The following NHSL1 variants were observed in gnomAD, a reference collection of about 807,000 sequenced individuals.
NHSL1 encodes the protein NHS-like protein 1.
In NHSL1, 48 loss-of-function variants were observed where a neutral mutation model predicts 95.0. The observed-to-expected ratio is 0.51, with a 90% CI of 0.40 to 0.64. The LOEUF (loss-of-function observed/expected upper bound fraction) is 0.64, where lower values mean the gene tolerates loss of function less well. Among genes scored for constraint, NHSL1 ranks in the 30% least tolerant of loss-of-function variants. NHSL1 has a pLI of 0.00. For synonymous variants in NHSL1, 783 were observed against 833.9 expected (o/e 0.94, Z 1.05); for missense variants, 1,971 against 2,077.7 (o/e 0.95, Z 1.00).
At chr6:138,548,510 T>C (rs1782889258), upstream of NHSL1, among the ~76,000 whole-genome samples, 3 of 152,180 alleles carry the variant, frequency 2.0e-5, no homozygotes, top group African/African-American at 7.2e-5. Context: ...TCATCAGCTA[T>C]CATTACGGTT....
At chr6:138,456,932 G>A (rs1373666981) in intron 3 of NHSL1, among the ~76,000 whole-genome samples, 1 of 150,768 alleles carries the variant, frequency 6.6e-6, no homozygotes, top group African/African-American at 2.5e-5. Flanking sequence ...CGCCCAGGCT[G>A]GAGTGGAGTG....
intron 3 of NHSL1, among the ~76,000 whole-genome samples, chr6:138,454,932 C>G (rs180934355): frequency 2.0e-5 from 3 of 152,284 alleles, no homozygotes; most frequent in African/African-American, 7.2e-5. Flanking sequence ...CAGAGATCAA[C>G]AAGATAGGGA....
upstream of NHSL1, among the ~76,000 whole-genome samples, chr6:138,575,991 T>G (rs1338357958): frequency 6.6e-6 from 1 of 150,996 alleles, no homozygotes; most frequent in Non-Finnish European, 1.5e-5. Flanking sequence ...ATTTATTTAT[T>G]TATTTATTTA....
intron 3 of NHSL1, among the ~76,000 whole-genome samples, chr6:138,448,578 C>T (rs1368352879): frequency 6.6e-6 from 1 of 152,082 alleles, no homozygotes; most frequent in African/African-American, 2.4e-5. Context: ...CTTTGTTTTG[C>T]CTATATTTGA....
rs558785277 is a variant in NHSL1 at position 138,499,251 on chromosome 6, T to G, written c.40A>C (p.Lys14Gln). Residue 14 changes from lysine to glutamine, a missense_variant, in exon 1 of 8, where the codon AAA (lysine) becomes CAA (glutamine). By Grantham distance (53) the Lys-to-Gln change is moderately conservative. Around this residue, in one of 3 missense-constraint regions of NHSL1, gnomAD observed 1,602 missense variants for 1,654.5 expected, o/e 0.97. Coordinates refer to ENST00000343505, the MANE Select transcript of NHSL1 (RefSeq NM_001144060.2). ...FINAKIKSLI[K>Q]LFKKKTVSNL... ...TACTTACTTTTCTTCTTAAAAAGTT[T>G]AATTAAAGACTTAATCTTTGCATTA... The G allele has an allele frequency of 2.9e-5, 45 of 1,550,048 alleles. No individual in the cohort carries two copies. In the African/African-American group the frequency reaches 5.7e-4, roughly 20 times the overall value.
intron 1 of NHSL1, among the ~76,000 whole-genome samples, chr6:138,598,646 A>AAAAAAC: frequency 6.6e-6 from 1 of 151,552 alleles, no homozygotes. Flanking sequence ...AAAAAAAAAA[A>AAAAAAC]AGCAGCATTT....
intron 1 of NHSL1, among the ~76,000 whole-genome samples, chr6:138,602,678 T>C (rs748093048): frequency 2.6e-5 from 4 of 152,170 alleles, no homozygotes; most frequent in Non-Finnish European, 5.9e-5. Flanking sequence ...TCCATGGAAA[T>C]GCAAATTTTG....
rs190109553 is a variant in NHSL1 at position 138,447,013 on chromosome 6, T to C, written c.520A>G (p.Ile174Val). 9.0e-6 allele frequency: 14 copies of C among 1,551,664 alleles called. No individual in the cohort carries two copies. Among genetic ancestry groups the C allele is most frequent in the East Asian group, 2.4e-5 (1 of 40,930 alleles). The change falls in exon 4 of 8, where the codon ATT becomes GTT. Residue 174 changes from isoleucine (I) to valine (V), a missense_variant. Coordinates refer to ENST00000343505, the MANE Select transcript of NHSL1 (RefSeq NM_001144060.2). ...TAGCAAAGCGTACCAGTTATGTTAATAGGCACCACGTCAGCCTGGACTGTT... is the reference window on the plus strand; with the variant it reads ...TAGCAAAGCGTACCAGTTATGTTAACAGGCACCACGTCAGCCTGGACTGTT... The part of the protein sequence containing the change: ...AQTVQADVVP[I>V]NITGENFDRQ...
At chr6:138,570,599 G>A (rs1783803196) in intron 1 of NHSL1, among the ~76,000 whole-genome samples, 3 of 152,200 alleles carry the variant, frequency 2.0e-5, no homozygotes, top group East Asian at 3.8e-4. Flanking sequence ...TAGTTTAACA[G>A]ACAAGAACAA....
chr6:138,461,349 C>T (rs77740585), intron 3 of NHSL1, among the ~76,000 whole-genome samples: 21,338 of 152,118 alleles, frequency 0.14, 1,518 homozygotes, highest in Middle Eastern at 0.17. Context: ...AGTCAGACTG[C>T]TACAGAGTAG....
chr6:138,490,242 G>A (rs1674067853), intron 2 of NHSL1, among the ~76,000 whole-genome samples: 2 of 152,106 alleles, frequency 1.3e-5, no homozygotes, highest in South Asian at 4.1e-4. Context: ...GCCTGTCTGA[G>A]GTGGTGGGCA....
At position 138,650,158 on chromosome 6, in the gene NHSL1, G is replaced by A. The variant is rs567391400; in HGVS notation, c.96+42318C>T. ...GTTGGAGTCATCTTGCAGGTATCCC[G>A]AGATGGTCAGGCCTCACTCATGGTG... On this transcript the variant is annotated intron_variant, in intron 1 of 3. Coordinates refer to the NHSL1 transcript ENST00000491526. 105 of 554,164 alleles carry A rather than the reference G, an allele frequency of 1.9e-4. 2 individuals carry two copies. Among genetic ancestry groups the A allele is most frequent in the South Asian group, 1.5e-3 (100 of 65,836 alleles). The allele number at this position is 554,164 out of a possible 1,614,324, so 34.3% of individuals were successfully genotyped here. A position where few individuals can be genotyped will look rare whatever the true frequency, so the allele number is the denominator to read the frequency against.
rs1491112101 is a variant in NHSL1, at chr6:138,659,722, T to TG, written c.96+32753_96+32754insC. ...TTTTTCCTACCACGTTTTTTTTTTGTTTTTTTTTTTTTGAGATGGAGTCTC... is the reference window on the plus strand; with the variant it reads ...TTTTTCCTACCACGTTTTTTTTTTGTGTTTTTTTTTTTTGAGATGGAGTCTC... On this transcript the variant is annotated intron_variant, in intron 1 of 3. Transcript: ENST00000491526. 3.1e-3 allele frequency among the ~76,000 whole-genome samples: 165 copies of TG among 53,136 alleles called. 1 individual carries two copies. Among genetic ancestry groups the TG allele is most frequent in the African/African-American group, 0.019 (156 of 8,364 alleles). The allele number at this position is 53,136 out of a possible 152,430, so 34.9% of individuals were successfully genotyped here.
At chr6:138,638,166 T>C (rs908195250) in intron 1 of NHSL1, among the ~76,000 whole-genome samples, 2 of 151,976 alleles carry the variant, frequency 1.3e-5, no homozygotes, top group Non-Finnish European at 2.9e-5. Context: ...ATTAAAACAA[T>C]TGAATTCACG....
chr6:138,596,804 T>A (rs1397265762), intron 1 of NHSL1, among the ~76,000 whole-genome samples: 1 of 152,006 alleles, frequency 6.6e-6, no homozygotes, highest in Non-Finnish European at 1.5e-5. Context: ...CATGAGATAA[T>A]CCTTTAAAAT....
intron 1 of NHSL1, among the ~76,000 whole-genome samples, chr6:138,666,974 C>T (rs570795312): frequency 1.3e-5 from 2 of 152,256 alleles, no homozygotes; most frequent in Admixed American, 6.5e-5. Flanking sequence ...TTTTTAGCAA[C>T]ACCAACGATA....
At chr6:138,581,303 T>C (rs1784051654) in intron 1 of NHSL1, among the ~76,000 whole-genome samples, 1 of 152,298 alleles carries the variant, frequency 6.6e-6, no homozygotes, top group East Asian at 1.9e-4. Flanking sequence ...CAGTCCTTTT[T>C]TGGTGTTGTT....
At chr6:138,522,478 C>T (rs1017494399) in intron 1 of NHSL1, among the ~76,000 whole-genome samples, 4 of 152,164 alleles carry the variant, frequency 2.6e-5, no homozygotes, top group African/African-American at 9.7e-5. Flanking sequence ...CCCATCTCTA[C>T]TAAAAATACA....
At chr6:138,469,280 C>T (rs528743218) in intron 3 of NHSL1, among the ~76,000 whole-genome samples, 1 of 152,214 alleles carries the variant, frequency 6.6e-6, no homozygotes, top group African/African-American at 2.4e-5. Flanking sequence ...GAAACCCTCA[C>T]TTCAACCTGA....
Sources: gnomAD v4.1 joint callset for allele counts (sites outside exome capture counted in the v4.1 genomes callset) on GRCh38, gnomAD v4.1.1 for gene constraint, gnomAD v4.1.1 regional missense constraint, MANE v1.5 for transcripts, NCBI Gene and HGNC (gene_info 2026-07-23, HGNC 2026-07-21) for gene names.